Variants in LRRTM4 observed in about 807,000 individuals in gnomAD.
LRRTM4 encodes the protein leucine rich repeat transmembrane neuronal 4.
In LRRTM4, 25 loss-of-function variants were observed where a neutral mutation model predicts 47.6. That is an observed-to-expected ratio of 0.53 (90% CI 0.38 to 0.73). The LOEUF (loss-of-function observed/expected upper bound fraction) is 0.73, where lower values mean the gene tolerates loss of function less well. LRRTM4 is among the 30% of genes least tolerant of loss of function. LRRTM4 has a pLI of 0.00. For synonymous variants in LRRTM4, 311 were observed against 269.5 expected (o/e 1.15, Z -1.51); for missense variants, 638 against 713.4 (o/e 0.89, Z 1.20).
chr2:77,051,914 C>A (rs1436842771), intron 3 of LRRTM4, among the ~76,000 whole-genome samples: 3 of 152,100 alleles, frequency 2.0e-5, no homozygotes, highest in African/African-American at 4.8e-5. Flanking sequence ...ATGCTACTAT[C>A]TTCAGACATG....
chr2:77,484,418 G>C (rs1483234810), intron 3 of LRRTM4, among the ~76,000 whole-genome samples: 1 of 152,124 alleles, frequency 6.6e-6, no homozygotes, highest in Non-Finnish European at 1.5e-5. Context: ...TGCAAGACTA[G>C]TGGTCTGTAT....
chr2:77,319,415 G>C (rs1473584544), intron 3 of LRRTM4, among the ~76,000 whole-genome samples: 1 of 151,134 alleles, frequency 6.6e-6, no homozygotes, highest in Non-Finnish European at 1.5e-5. Flanking sequence ...CCAGCCTCAA[G>C]TTTCAGTAAA....
intron 3 of LRRTM4, among the ~76,000 whole-genome samples, chr2:77,029,050 C>CAAA (rs771045292): frequency 8.4e-6 from 1 of 118,646 alleles, no homozygotes; most frequent in Non-Finnish European, 1.9e-5. Context: ...CACACACACA[C>CAAA]AAATATATAT....
chr2:77,231,062 A>T (rs1674948371), intron 3 of LRRTM4, among the ~76,000 whole-genome samples: 2 of 152,184 alleles, frequency 1.3e-5, no homozygotes, highest in South Asian at 4.1e-4. Flanking sequence ...ATAATTTTAA[A>T]ATATTTGTTT....
intron 3 of LRRTM4, among the ~76,000 whole-genome samples, chr2:77,207,311 CATGT>C (rs980220068): frequency 3.6e-5 from 5 of 140,544 alleles, no homozygotes; most frequent in African/African-American, 8.2e-5. Context: ...TATATATACA[CATGT>C]ATGTGTTTAT....
intron 3 of LRRTM4, among the ~76,000 whole-genome samples, chr2:77,187,300 C>A (rs1398274562): frequency 1.3e-5 from 2 of 152,082 alleles, no homozygotes; most frequent in Non-Finnish European, 2.9e-5. Flanking sequence ...GGCCTCTTTG[C>A]CTGCCTTATT....
At chr2:76,813,951 T>A (rs184726468) in intron 3 of LRRTM4, among the ~76,000 whole-genome samples, 1 of 152,298 alleles carries the variant, frequency 6.6e-6, no homozygotes, top group East Asian at 1.9e-4. Context: ...TTTATCTAAT[T>A]TTATTTTCCT....
At chr2:76,902,343 T>G (rs1468742933) in intron 3 of LRRTM4, among the ~76,000 whole-genome samples, 1 of 152,184 alleles carries the variant, frequency 6.6e-6, no homozygotes, top group African/African-American at 2.4e-5. Flanking sequence ...TAAATAACCA[T>G]GATTTAAAAA....
chr2:76,975,763 A>G lies in LRRTM4; in HGVS notation c.1552-226847T>C, dbSNP rs940108165. Among the ~76,000 whole-genome samples the G allele has an allele frequency of 7.9e-5, 12 of 151,774 alleles. No homozygotes were observed. In the South Asian group the frequency reaches 8.3e-4, roughly 10 times the overall value. ...TAGGCCTTGAAGCATCCTTCTGATG[A>G]CACCACATCTGGCCACATTTACAGG... On this transcript the variant is annotated intron_variant, in intron 3 of 3. Transcript: ENST00000409884.
intron 3 of LRRTM4, among the ~76,000 whole-genome samples, chr2:77,218,946 T>C (rs1250760541): frequency 6.6e-6 from 1 of 152,066 alleles, no homozygotes; most frequent in African/African-American, 2.4e-5. Flanking sequence ...AAAACGTAAA[T>C]AAATGAAACA....
At chr2:77,433,813 T>G (rs181568598) in intron 3 of LRRTM4, among the ~76,000 whole-genome samples, 5 of 152,208 alleles carry the variant, frequency 3.3e-5, no homozygotes, top group Admixed American at 3.3e-4. Flanking sequence ...TAGATAAGGC[T>G]CTCTCCACCG....
At chr2:76,829,521 A>G (rs1442827975) in intron 3 of LRRTM4, among the ~76,000 whole-genome samples, 1 of 130,074 alleles carries the variant, frequency 7.7e-6, no homozygotes, top group Non-Finnish European at 1.6e-5. Context: ...CTAATTACAT[A>G]CTGTCATGTA....
At chr2:76,918,381 T>G (rs888600931) in intron 3 of LRRTM4, among the ~76,000 whole-genome samples, 2 of 152,202 alleles carry the variant, frequency 1.3e-5, no homozygotes, top group South Asian at 4.1e-4. Context: ...AACTCAGGTT[T>G]AGATCAAATC....
intron 3 of LRRTM4, among the ~76,000 whole-genome samples, chr2:77,036,875 G>C (rs1208756706): frequency 6.6e-6 from 1 of 151,678 alleles, no homozygotes; most frequent in Non-Finnish European, 1.5e-5. Flanking sequence ...TCAATCTGCT[G>C]ATCAAGAAAG....
rs1374730571 is a variant in LRRTM4 at position 77,457,048 on chromosome 2, A to ATATATG, written c.1551+61269_1551+61270insCATATA. 6.0e-3 allele frequency among the ~76,000 whole-genome samples: 88 copies of ATATATG among 14,644 alleles called. 4 individuals are homozygous for ATATATG. Among genetic ancestry groups the ATATATG allele is most frequent in the African/African-American group, 0.015 (85 of 5,832 alleles). 9.6% of individuals were successfully genotyped at this position (14,644 alleles called of 152,430 possible). On this transcript the variant is annotated intron_variant, in intron 3 of 3. Transcript: ENST00000409884. ...TATATATATATATATATATATATAT[A>ATATATG]TATGTATAACCTGGAACTCTTTGAC...
chr2:76,830,140 T>C (rs1337575372), intron 3 of LRRTM4, among the ~76,000 whole-genome samples: 13 of 152,052 alleles, frequency 8.5e-5, no homozygotes, highest in Admixed American at 3.3e-4. Context: ...AGTAACCTGA[T>C]TACCAGGGCT....
intron 3 of LRRTM4, among the ~76,000 whole-genome samples, chr2:77,290,340 G>A (rs940561980): frequency 3.4e-5 from 5 of 145,800 alleles, no homozygotes; most frequent in Non-Finnish European, 7.4e-5. Flanking sequence ...ATATGTGGGA[G>A]GTAAAAATAA....
intron 3 of LRRTM4, among the ~76,000 whole-genome samples, chr2:76,916,794 T>C (rs1042460398): frequency 6.6e-6 from 1 of 152,248 alleles, no homozygotes; most frequent in African/African-American, 2.4e-5. Context: ...TAGAACTATC[T>C]TTAATATCTC....
chr2:76,816,009 T>C (rs951158387), intron 3 of LRRTM4, among the ~76,000 whole-genome samples: 1 of 152,004 alleles, frequency 6.6e-6, no homozygotes. Context: ...TGGGGAGGTA[T>C]TGGAATTCCT....
Sources: allele counts gnomAD v4.1 joint callset (sites outside exome capture counted in the v4.1 genomes callset), GRCh38; gene constraint gnomAD v4.1.1; transcripts MANE v1.5; gene names NCBI Gene and HGNC (gene_info 2026-07-23, HGNC 2026-07-21).